TENM2: variants seen among roughly 807,000 people sequenced by gnomAD.
TENM2 encodes the protein teneurin transmembrane protein 2.
In TENM2, 52 loss-of-function variants were observed where a neutral mutation model predicts 245.2. The ratio of observed to expected loss-of-function variants is 0.21; its 90% CI spans 0.17 to 0.27. The LOEUF (loss-of-function observed/expected upper bound fraction) is 0.27, where lower values mean the gene tolerates loss of function less well. TENM2 is among the 10% of genes least tolerant of loss of function. The probability of loss-of-function intolerance (pLI) is 1.00; values close to 1 mark genes in which losing one functional copy is unlikely to be tolerated. For synonymous variants in TENM2, 1,363 were observed against 1,438.9 expected (o/e 0.95, Z 1.19); for missense variants, 3,046 against 3,666.8 (o/e 0.83, Z 4.37).
the TENM2 span, among the ~76,000 whole-genome samples, chr5:167,248,587 C>T: frequency 6.6e-6 from 1 of 152,060 alleles, no homozygotes; most frequent in Non-Finnish European, 1.5e-5. Context: ...GGTTCCATGA[C>T]TTTTCGTGAA....
At chr5:168,185,055 C>T (rs1760265581) in intron 13 of TENM2, 1 of 152,258 alleles carries the variant, frequency 6.6e-6, no homozygotes, top group Admixed American at 6.5e-5. Context: ...ATGCTCATTT[C>T]AACCAGCCAC....
At chr5:167,980,840 G>A (rs1199202870) in intron 4 of TENM2, among the ~76,000 whole-genome samples, 1 of 152,122 alleles carries the variant, frequency 6.6e-6, no homozygotes, top group Non-Finnish European at 1.5e-5. Context: ...GAAATCAACT[G>A]ATGATGGATT....
intron 3 of TENM2, among the ~76,000 whole-genome samples, chr5:167,880,178 G>T (rs1773761134): frequency 6.6e-6 from 1 of 151,958 alleles, no homozygotes. Flanking sequence ...GATTACAGGT[G>T]CACACCACCA....
At chr5:167,299,068 G>A (rs980616658) in intron 1 of TENM2, among the ~76,000 whole-genome samples, 2 of 152,192 alleles carry the variant, frequency 1.3e-5, no homozygotes, top group African/African-American at 4.8e-5. Context: ...AGAAGGGAAA[G>A]TGGTAAAAGT....
chr5:167,425,380 A>C (rs560422392), intron 2 of TENM2, among the ~76,000 whole-genome samples: 26 of 152,274 alleles, frequency 1.7e-4, no homozygotes, highest in Non-Finnish European at 3.2e-4. Flanking sequence ...GTAAGTGTGG[A>C]GATAACACCC....
chr5:167,740,660 A>G (rs1761119009), intron 2 of TENM2, among the ~76,000 whole-genome samples: 1 of 152,196 alleles, frequency 6.6e-6, no homozygotes, highest in Non-Finnish European at 1.5e-5. Context: ...GGCCAAGAAT[A>G]AGAATAACAC....
At chr5:167,196,452 G>A in the TENM2 span, among the ~76,000 whole-genome samples, 1 of 149,714 alleles carries the variant, frequency 6.7e-6, no homozygotes, top group Admixed American at 6.7e-5. Context: ...ATATATATGT[G>A]TGTATATATA....
the TENM2 span, among the ~76,000 whole-genome samples, chr5:167,228,636 T>G: frequency 7.0e-6 from 1 of 142,496 alleles, no homozygotes; most frequent in South Asian, 2.2e-4. Context: ...AATATTTCCT[T>G]AATTTTTTTC....
the TENM2 span, among the ~76,000 whole-genome samples, chr5:167,065,584 G>A: frequency 0.018 from 2,677 of 152,286 alleles, 45 homozygotes; most frequent in Non-Finnish European, 0.028. Flanking sequence ...GAAATACAAA[G>A]TCGTTATTTT....
chr5:168,024,984 T>C (rs1786474237), intron 5 of TENM2, among the ~76,000 whole-genome samples: 1 of 152,218 alleles, frequency 6.6e-6, no homozygotes, highest in Non-Finnish European at 1.5e-5. Context: ...TGTGCTAAAC[T>C]CCAGCATCCA....
intron 2 of TENM2, among the ~76,000 whole-genome samples, chr5:167,874,841 G>A (rs533443323): frequency 3.5e-4 from 54 of 152,270 alleles, no homozygotes; most frequent in Non-Finnish European, 6.3e-4. Flanking sequence ...ACCTTCTGCC[G>A]GACTGGCTGC....
intron 27 of TENM2, among the ~76,000 whole-genome samples, chr5:168,252,963 GTTTGT>G (rs560061356): frequency 1.3e-4 from 20 of 151,930 alleles, no homozygotes; most frequent in South Asian, 2.1e-4. Flanking sequence ...TTTTTTGTTT[GTTTGT>G]TTTGTTTTGT....
the TENM2 span, among the ~76,000 whole-genome samples, chr5:167,064,215 T>G: frequency 6.6e-6 from 1 of 152,244 alleles, no homozygotes; most frequent in Non-Finnish European, 1.5e-5. Context: ...TATTTTCCGC[T>G]GCACCAATTT....
At chr5:167,130,572 C>A in the TENM2 span, among the ~76,000 whole-genome samples, 2 of 152,182 alleles carry the variant, frequency 1.3e-5, no homozygotes, top group African/African-American at 4.8e-5. Flanking sequence ...CACTGGCAGT[C>A]CTGCTTCAGT....
chr5:168,081,999 T>G (rs193080654), intron 7 of TENM2, among the ~76,000 whole-genome samples: 105 of 152,330 alleles, frequency 6.9e-4, no homozygotes, highest in Admixed American at 7.2e-4. Context: ...TTGGGAAAGT[T>G]CTCCTGGATA....
At chr5:167,187,246 A>T in the TENM2 span, among the ~76,000 whole-genome samples, 1 of 152,132 alleles carries the variant, frequency 6.6e-6, no homozygotes, top group Non-Finnish European at 1.5e-5. Context: ...TTCTGATTTG[A>T]CAAAACAGGT....
chr5:167,281,757 G>A (rs895621869), upstream of TENM2, among the ~76,000 whole-genome samples: 13 of 152,242 alleles, frequency 8.5e-5, no homozygotes, highest in East Asian at 2.5e-3. Context: ...CCAGCACTTT[G>A]GGAGGCCGAG....
chr5:167,174,227 C>A, the TENM2 span, among the ~76,000 whole-genome samples: 1 of 151,940 alleles, frequency 6.6e-6, no homozygotes, highest in Non-Finnish European at 1.5e-5. Context: ...ACATACCCTG[C>A]ATGTAATACA....
Position 167,326,987 on chromosome 5 carries a change from G to T in TENM2, c.226+41924G>T, listed in dbSNP as rs562021017. On this transcript the variant is annotated intron_variant, in intron 1 of 28. Transcript: ENST00000518659. ...GTATTGGAAGCCTAAAGGAAAACCC[G>T]GCAAATTCTGAATAACATTAAACAT... is the stretch of plus-strand genomic sequence containing the variant. Among the ~76,000 whole-genome samples the T allele has an allele frequency of 6.1e-4, 92 of 151,962 alleles. 1 individual carries two copies. The highest frequency in any genetic ancestry group is 1.2e-4 in the Non-Finnish European group (8 of 67,964).
Sources: gnomAD v4.1 joint callset for allele counts (sites outside exome capture counted in the v4.1 genomes callset) on GRCh38, gnomAD v4.1.1 for gene constraint, MANE v1.5 for transcripts, NCBI Gene and HGNC (gene_info 2026-07-23, HGNC 2026-07-21) for gene names.